COL5A2: variants seen among roughly 807,000 people sequenced by gnomAD.
COL5A2 encodes the protein collagen type V alpha 2 chain.
Under a neutral mutation model 208.2 loss-of-function variants are expected in COL5A2, and 23 were observed. The observed-to-expected ratio is 0.11, with a 90% CI of 0.08 to 0.16. The LOEUF (loss-of-function observed/expected upper bound fraction) is 0.16. Ranked by LOEUF, COL5A2 falls within the 10% of genes least tolerant of loss-of-function variation. The pLI is 1.00. For synonymous variants in COL5A2, 625 were observed against 628.5 expected, an observed-to-expected ratio of 0.99 and a Z score of 0.08; for missense variants, 1,590 against 1,956.4, an observed-to-expected ratio of 0.81 and a Z score of 3.53.
the COL5A2 span, among the ~76,000 whole-genome samples, chr2:189,288,634 C>T: frequency 2.0e-5 from 3 of 152,042 alleles, no homozygotes; most frequent in Admixed American, 6.6e-5. Flanking sequence ...TTTTACCAAA[C>T]GTTTAAGAAC....
intron 1 of COL5A2, among the ~76,000 whole-genome samples, chr2:189,174,695 C>A (rs764973394): frequency 3.3e-5 from 5 of 152,150 alleles, no homozygotes; most frequent in Admixed American, 6.5e-5. Flanking sequence ...GTCACAAGAT[C>A]TTAGGTGATT....
chr2:189,267,837 C>T, the COL5A2 span, among the ~76,000 whole-genome samples: 1 of 152,078 alleles, frequency 6.6e-6, no homozygotes, highest in Non-Finnish European at 1.5e-5. Context: ...ATCAAGTAGG[C>T]CAACCAAACC....
rs1215702482 is a variant in COL5A2 at position 189,045,792 on chromosome 2, C to G, written c.3309+8G>C. On this transcript the variant is annotated splice_region_variant and intron_variant, in intron 46 of 53. Coordinates refer to ENST00000374866, the MANE Select transcript of COL5A2 (RefSeq NM_000393.5). ...AAACTGTCAGTGTGAAATTGACTCC[C>G]TCCTTACCGGATCTCCTCTTTGTCC... 1 of 1,612,392 alleles carries G rather than the reference C, an allele frequency of 6.2e-7. No individual in the cohort carries two copies. The highest frequency in any genetic ancestry group is 1.3e-5 in the African/African-American group (1 of 74,878).
chr2:189,334,050 A>G, the COL5A2 span, among the ~76,000 whole-genome samples: 1 of 152,056 alleles, frequency 6.6e-6, no homozygotes, highest in East Asian at 1.9e-4. Flanking sequence ...TTTAAACTAT[A>G]TTTAACAATA....
Position 189,035,173 on chromosome 2 carries a change from C to A in COL5A2, c.4114-18G>T. 6.2e-7 allele frequency: 1 copy of A among 1,613,608 alleles called. No individual in the cohort carries two copies. The highest frequency in any genetic ancestry group is 8.5e-7 in the Non-Finnish European group (1 of 1,179,734). ...TAAGCGAACTAGAAAAACAAAGAGT[C>A]TTTGTCATACACAAGACTGAAGGGT... On this transcript the variant is annotated intron_variant, in intron 52 of 53. Transcript: ENST00000374866.
intron 45 of COL5A2, among the ~76,000 whole-genome samples, chr2:189,046,529 G>A (rs532409406): frequency 6.6e-5 from 10 of 152,212 alleles, no homozygotes; most frequent in African/African-American, 2.4e-4. Context: ...AGCTACGAAG[G>A]ATTTGGAAAA....
chr2:189,046,001 GA>G (rs1202757166), intron 45 of COL5A2, 94 bp from the exon 46 acceptor site: 34 of 1,010,746 alleles, frequency 3.4e-5, no homozygotes, highest in African/African-American at 4.9e-5. Flanking sequence ...TTAATAATGG[GA>G]AAAAATACCC....
At chr2:189,259,549 A>T in the COL5A2 span, among the ~76,000 whole-genome samples, 2 of 152,132 alleles carry the variant, frequency 1.3e-5, no homozygotes, top group African/African-American at 4.8e-5. Context: ...CTCTTTCTTG[A>T]TTACAATAAC....
At chr2:189,294,015 G>A in the COL5A2 span, among the ~76,000 whole-genome samples, 4 of 150,842 alleles carry the variant, frequency 2.7e-5, no homozygotes, top group African/African-American at 7.3e-5. Flanking sequence ...GTGAACCTGG[G>A]AAGCGGAGCT....
chr2:189,256,235 T>A, the COL5A2 span, among the ~76,000 whole-genome samples: 1 of 152,146 alleles, frequency 6.6e-6, no homozygotes, highest in East Asian at 1.9e-4. Flanking sequence ...TGAGCCTGTG[T>A]TTTGAGAGCA....
chr2:189,401,453 T>G, the COL5A2 span, among the ~76,000 whole-genome samples: 1 of 152,232 alleles, frequency 6.6e-6, no homozygotes, highest in Non-Finnish European at 1.5e-5. Context: ...ATTTTCTTTA[T>G]CCAGTCAATT....
At chr2:189,398,250 A>G in the COL5A2 span, among the ~76,000 whole-genome samples, 1 of 152,126 alleles carries the variant, frequency 6.6e-6, no homozygotes, top group Non-Finnish European at 1.5e-5. Context: ...AGTTTTCTTC[A>G]GTTGCTGAGT....
chr2:189,242,516 A>C, the COL5A2 span, among the ~76,000 whole-genome samples: 1 of 152,032 alleles, frequency 6.6e-6, no homozygotes, highest in Admixed American at 6.6e-5. Flanking sequence ...TTCCTGCTTC[A>C]CTGTACTCAC....
chr2:189,252,649 T>C, the COL5A2 span, among the ~76,000 whole-genome samples: 1 of 151,884 alleles, frequency 6.6e-6, no homozygotes, highest in Non-Finnish European at 1.5e-5. Flanking sequence ...CATTAGGAGA[T>C]ATACCTAAAG....
the COL5A2 span, among the ~76,000 whole-genome samples, chr2:189,406,145 GAAATA>G: frequency 2.0e-5 from 3 of 151,978 alleles, no homozygotes; most frequent in Non-Finnish European, 2.9e-5. Context: ...TTTAATAACA[GAAATA>G]AAATAAGTTC....
chr2:189,266,331 C>A, the COL5A2 span, among the ~76,000 whole-genome samples: 4 of 151,668 alleles, frequency 2.6e-5, no homozygotes, highest in African/African-American at 9.7e-5. Context: ...GAGGCTGAGG[C>A]AGGAGAATTG....
intron 1 of COL5A2, among the ~76,000 whole-genome samples, chr2:189,118,781 A>G (rs1282757352): frequency 3.3e-5 from 5 of 152,158 alleles, no homozygotes; most frequent in Admixed American, 3.3e-4. Flanking sequence ...GACTTGAATT[A>G]GTATTCAGTT....
intron 1 of COL5A2, among the ~76,000 whole-genome samples, chr2:189,145,680 A>G (rs538104895): frequency 6.6e-6 from 1 of 152,236 alleles, no homozygotes; most frequent in South Asian, 2.1e-4. Context: ...GGCAAGTACC[A>G]TATTTTAAAG....
chr2:189,049,028 C>T (rs1037716347), intron 44 of COL5A2, among the ~76,000 whole-genome samples: 3 of 91,658 alleles, frequency 3.3e-5, no homozygotes, highest in South Asian at 4.1e-4. Flanking sequence ...TATGTCATTA[C>T]AAAATGAAAT....
Sources: allele counts gnomAD v4.1 joint callset (sites outside exome capture counted in the v4.1 genomes callset), GRCh38; gene constraint gnomAD v4.1.1; transcripts MANE v1.5; gene names NCBI Gene and HGNC (gene_info 2026-07-23, HGNC 2026-07-21).